SPIN1: variants seen among roughly 807,000 people sequenced by gnomAD.
SPIN1 encodes the protein spindlin-1.
Under a neutral mutation model 26.0 loss-of-function variants are expected in SPIN1, and 3 were observed. The observed-to-expected ratio is 0.12, with a 90% CI of 0.05 to 0.30. The LOEUF is 0.30. SPIN1 is among the 10% of genes least tolerant of loss of function. The probability of loss-of-function intolerance (pLI) is 1.00; values close to 1 mark genes in which losing one functional copy is unlikely to be tolerated. For missense variants in SPIN1, 126 were observed against 333.4 expected, an observed-to-expected ratio of 0.38 and a Z score of 4.84; for synonymous variants, 101 against 116.5, an observed-to-expected ratio of 0.87 and a Z score of 0.86.
chr9:88,393,604 T>C (rs1000090219), intron 1 of SPIN1, among the ~76,000 whole-genome samples: 5 of 151,112 alleles, frequency 3.3e-5, no homozygotes, highest in Admixed American at 6.6e-5. Context: ...TACAGGCATG[T>C]GCCACCACAC....
chr9:88,414,173 CAG>C (rs1334852802), intron 1 of SPIN1, among the ~76,000 whole-genome samples: 5 of 152,130 alleles, frequency 3.3e-5, no homozygotes, highest in Admixed American at 3.3e-4. Flanking sequence ...CCTCTGTGTC[CAG>C]AGTTTTTATT....
chr9:88,398,899 G>T (rs759460285), intron 1 of SPIN1, among the ~76,000 whole-genome samples: 1 of 151,198 alleles, frequency 6.6e-6, no homozygotes, highest in South Asian at 2.1e-4. Flanking sequence ...TTTTTTTCAG[G>T]ATCACATAAG....
At chr9:88,405,837 A>AT (rs940483393) in intron 1 of SPIN1, among the ~76,000 whole-genome samples, 13 of 147,534 alleles carry the variant, frequency 8.8e-5, no homozygotes, top group African/African-American at 2.5e-4. Flanking sequence ...CTCCATTATA[A>AT]TTTTTTTTGT....
intron 3 of SPIN1, among the ~76,000 whole-genome samples, chr9:88,452,349 T>C (rs929009797): frequency 2.0e-5 from 3 of 152,218 alleles, no homozygotes; most frequent in Non-Finnish European, 4.4e-5. Flanking sequence ...GCCCATGTTA[T>C]TAAGTACCAC....
In SPIN1 at chr9:88,410,188, T is replaced by TGTGTGTGTGTGTGCGCGCGC. The variant is rs4029765; in HGVS notation, c.-158-16193_-158-16192insTGTGTGTGTGTGCGCGCGCG. Among the ~76,000 whole-genome samples the TGTGTGTGTGTGTGCGCGCGC allele has an allele frequency of 7.0e-5, 10 of 142,966 alleles. No homozygotes were observed. In the South Asian group the frequency reaches 1.1e-3, roughly 16 times the overall value. 93.8% of individuals were successfully genotyped at this position (142,966 alleles called of 152,430 possible). A position where few individuals can be genotyped will look rare whatever the true frequency, so the allele number is the denominator to read the frequency against. On this transcript the variant is annotated intron_variant, in intron 1 of 5. Transcript: ENST00000375859. ...GTGTGTGTGTGTGTGTGTGTGTGTG[T>TGTGTGTGTGTGTGCGCGCGC]GCAACTTTTTTTTTTTTTAAAGACA... is the stretch of plus-strand genomic sequence containing the variant.
intron 2 of SPIN1, among the ~76,000 whole-genome samples, chr9:88,428,881 T>TC (rs1827811341): frequency 6.6e-6 from 1 of 152,178 alleles, no homozygotes; most frequent in African/African-American, 2.4e-5. Flanking sequence ...CTATTCTCTC[T>TC]TTCTTTTTTA....
intron 3 of SPIN1, among the ~76,000 whole-genome samples, chr9:88,458,516 A>G (rs1828517482): frequency 6.6e-6 from 1 of 152,158 alleles, no homozygotes. Flanking sequence ...GATTCTAGCC[A>G]TTATCAGGAG....
At chr9:88,414,331 G>C (rs760142876) in intron 1 of SPIN1, among the ~76,000 whole-genome samples, 1 of 152,150 alleles carries the variant, frequency 6.6e-6, no homozygotes, top group Non-Finnish European at 1.5e-5. Context: ...TTCTGGTTTG[G>C]CCAGCCCCCC....
intron 2 of SPIN1, among the ~76,000 whole-genome samples, chr9:88,443,119 CAAA>C (rs769488109): frequency 2.5e-5 from 2 of 81,376 alleles, no homozygotes. Context: ...GACTCCATCT[CAAA>C]AAAAAAAAAA....
At chr9:88,460,998 A>G (rs1353521975) in intron 3 of SPIN1, among the ~76,000 whole-genome samples, 4 of 152,194 alleles carry the variant, frequency 2.6e-5, no homozygotes, top group Non-Finnish European at 5.9e-5. Context: ...CATCTGTCAC[A>G]TTGTTAGTCT....
intron 3 of SPIN1, 145 bp from the exon 4 acceptor site, chr9:88,462,351 C>A: frequency 8.9e-7 from 1 of 1,128,660 alleles, no homozygotes; most frequent in Non-Finnish European, 1.2e-6. Flanking sequence ...CACTTTGAGT[C>A]ACCTGAAGCA....
At chr9:88,408,858 G>A (rs1005507555) in intron 1 of SPIN1, among the ~76,000 whole-genome samples, 9 of 150,858 alleles carry the variant, frequency 6.0e-5, no homozygotes, top group Admixed American at 6.0e-4. Flanking sequence ...TAGAGACGGG[G>A]TTTCACCATG....
At position 88,456,583 on chromosome 9, in the gene SPIN1, T is replaced by G. The variant is rs986579370; in HGVS notation, c.102-5913T>G. Among the ~76,000 whole-genome samples, 15 of 152,348 alleles carry G rather than the reference T, an allele frequency of 9.8e-5. No homozygotes were observed. In the East Asian group the frequency reaches 2.5e-3, roughly 25 times the overall value. On this transcript the variant is annotated intron_variant, in intron 3 of 5. Transcript: ENST00000375859. ...TTGATTTAAAGATACCTGTCACTTC[T>G]TAGCCTCTGTGCAGCTACCAGGGTT... is the stretch of plus-strand genomic sequence containing the variant.
At chr9:88,461,477 CTAGAG>C (rs1828575764) in intron 3 of SPIN1, among the ~76,000 whole-genome samples, 1 of 152,132 alleles carries the variant, frequency 6.6e-6, no homozygotes, top group Non-Finnish European at 1.5e-5. Context: ...TGTTACCAGT[CTAGAG>C]TAAATTATTT....
intron 2 of SPIN1, among the ~76,000 whole-genome samples, chr9:88,432,447 C>T (rs1385806710): frequency 6.7e-6 from 1 of 149,834 alleles, no homozygotes; most frequent in Non-Finnish European, 1.5e-5. Context: ...TTCTGCCTCC[C>T]AAAGTGCTGG....
rs1449511114 is a variant in SPIN1 at position 88,408,766 on chromosome 9, C to T, written c.-158-17616C>T. Among the ~76,000 whole-genome samples the T allele has an allele frequency of 5.6e-4, 82 of 147,308 alleles. 1 individual carries two copies. The highest frequency in any genetic ancestry group is 1.9e-3 in the African/African-American group (76 of 39,890). On this transcript the variant is annotated intron_variant, in intron 1 of 5. Transcript: ENST00000375859. Reference sequence around the variant, plus strand: ...TCGGCTCACTGCAACCTCTGCCTCCCGGGTTCAAGCGATTCTCCTGCCTCA... The same window carrying T: ...TCGGCTCACTGCAACCTCTGCCTCCTGGGTTCAAGCGATTCTCCTGCCTCA...
At chr9:88,391,786 G>A (rs982129595) in intron 1 of SPIN1, 1 of 152,366 alleles carries the variant, frequency 6.6e-6, no homozygotes. Flanking sequence ...GAGCATTTGT[G>A]AAGATTCTGG....
At position 88,415,913 on chromosome 9, in the gene SPIN1, T is replaced by A. The variant is rs571595401; in HGVS notation, c.-158-10469T>A. On this transcript the variant is annotated intron_variant, in intron 1 of 5. Transcript: ENST00000375859. ...CGCCAGCCACCATGCTCGGCTAATTTTTTTTTTTTTTTTTTTGTATTTTTA... is the reference window on the plus strand; with the variant it reads ...CGCCAGCCACCATGCTCGGCTAATTATTTTTTTTTTTTTTTTGTATTTTTA... Among the ~76,000 whole-genome samples the A allele has an allele frequency of 2.2e-3, 321 of 148,988 alleles. 1 individual carries two copies. The highest frequency in any genetic ancestry group is 7.8e-3 in the African/African-American group (314 of 40,274).
At chr9:88,449,187 G>A (rs922331125) in intron 3 of SPIN1, among the ~76,000 whole-genome samples, 198 bp downstream of exon 3, 1 of 151,846 alleles carries the variant, frequency 6.6e-6, no homozygotes, top group Non-Finnish European at 1.5e-5. Flanking sequence ...CAGTGTGCCA[G>A]GTCTACCCTT....
Sources: allele counts gnomAD v4.1 joint callset (sites outside exome capture counted in the v4.1 genomes callset), GRCh38; gene constraint gnomAD v4.1.1; transcripts MANE v1.5; gene names NCBI Gene and HGNC (gene_info 2026-07-23, HGNC 2026-07-21).